UTP23: variants seen among roughly 807,000 people sequenced by gnomAD.
UTP23 encodes the protein UTP23 small subunit processome component.
UTP23 carries 10 observed loss-of-function variants against 19.8 expected under a neutral mutation model. The ratio of observed to expected loss-of-function variants is 0.50; its 90% CI spans 0.31 to 0.86. UTP23 has a LOEUF of 0.86. Among genes scored for constraint, UTP23 ranks in the 40% least tolerant of loss-of-function variants. UTP23 has a pLI of 0.05. For missense variants in UTP23, 282 were observed against 293.1 expected, an observed-to-expected ratio of 0.96 and a Z score of 0.28; for synonymous variants, 108 against 105.4, an observed-to-expected ratio of 1.02 and a Z score of -0.15.
At position 116,774,008 on chromosome 8, in the gene UTP23, G is replaced by T. The variant is rs1815693111; in HGVS notation, c.*2166G>T. The T allele has an allele frequency of 2.0e-6, 2 of 985,054 alleles. No individual in the cohort carries two copies. Among genetic ancestry groups the T allele is most frequent in the South Asian group, 9.4e-5 (2 of 21,276 alleles). 61.0% of individuals were successfully genotyped at this position (985,054 alleles called of 1,614,324 possible). A position where few individuals can be genotyped will look rare whatever the true frequency, so the allele number is the denominator to read the frequency against. ...TGCTTTATTTTTTCATACAACTTGG[G>T]GAAGGGAACCATGGGAGTATGCACA... On this transcript the variant is annotated 3_prime_UTR_variant, in exon 3 of 3. Transcript: ENST00000309822.
At position 116,774,593 on chromosome 8, in the gene UTP23, A is replaced by G; in HGVS notation, c.*2751A>G. The G allele has an allele frequency of 1.6e-6, 1 of 615,836 alleles. No individual in the cohort carries two copies. The highest frequency in any genetic ancestry group is 1.4e-4 in the East Asian group (1 of 7,142). 38.1% of individuals were successfully genotyped at this position (615,836 alleles called of 1,614,324 possible). ...TATACATAGTCTATATATTCTATATAAGAATATATTCCAATAAGAATATAT... is the reference window on the plus strand; with the variant it reads ...TATACATAGTCTATATATTCTATATGAGAATATATTCCAATAAGAATATAT... On this transcript the variant is annotated 3_prime_UTR_variant, in exon 3 of 3. Transcript: ENST00000309822.
chr8:116,769,675 T>C (rs1036264786), intron 1 of UTP23, among the ~76,000 whole-genome samples: 3 of 152,190 alleles, frequency 2.0e-5, no homozygotes, highest in Admixed American at 6.5e-5. Flanking sequence ...GGAACTCTTA[T>C]GACTAAATGT....
rs1434949889 is a variant in UTP23, at chr8:116,774,210, A to G, written c.*2368A>G. On this transcript the variant is annotated 3_prime_UTR_variant, in exon 3 of 3. Transcript: ENST00000309822. ...CACTATCTTTTACGAACACTTAAAAATAAGTGTTTGCAGTTGTGTATGGGC... is the reference window on the plus strand; with the variant it reads ...CACTATCTTTTACGAACACTTAAAAGTAAGTGTTTGCAGTTGTGTATGGGC... The G allele has an allele frequency of 3.0e-6, 3 of 985,334 alleles. No individual in the cohort carries two copies. Among genetic ancestry groups the G allele is most frequent in the Non-Finnish European group, 3.6e-6 (3 of 829,942 alleles). 61.0% of individuals were successfully genotyped at this position (985,334 alleles called of 1,614,324 possible). A position where few individuals can be genotyped will look rare whatever the true frequency, so the allele number is the denominator to read the frequency against.
At chr8:116,770,497 G>A (rs1279805978) in intron 2 of UTP23, 131 bp downstream of exon 2, 3 of 821,146 alleles carry the variant, frequency 3.7e-6, no homozygotes, top group East Asian at 2.8e-5. Context: ...TTAATTTGCA[G>A]TCAGTAAAAG....
In UTP23 at chr8:116,766,532, G is replaced by C; in HGVS notation, c.-72G>C. The C allele has an allele frequency of 3.4e-6, 5 of 1,476,626 alleles. No homozygotes were observed. The highest frequency in any genetic ancestry group is 4.5e-6 in the Non-Finnish European group (5 of 1,104,338). 91.5% of individuals were successfully genotyped at this position (1,476,626 alleles called of 1,614,324 possible). On this transcript the variant is annotated 5_prime_UTR_variant, in exon 1 of 3. Transcript: ENST00000309822. ...CATTTCCGGGTGAAACTGGCATTGA[G>C]GGTACTGGGGCGTGCGTGAGGCGTT... is the stretch of plus-strand genomic sequence containing the variant.
At position 116,772,946 on chromosome 8, in the gene UTP23, A is replaced by G; in HGVS notation, c.*1104A>G. On this transcript the variant is annotated 3_prime_UTR_variant, in exon 3 of 3. Transcript: ENST00000309822. Reference sequence around the variant, plus strand: ...CCTGACTGACAGCTTCTGGAGCCACACTAGAGCAGTGATTCTCAGTCTAAC... The same window carrying G: ...CCTGACTGACAGCTTCTGGAGCCACGCTAGAGCAGTGATTCTCAGTCTAAC... The G allele has an allele frequency of 1.0e-6, 1 of 985,454 alleles. No homozygotes were observed. The highest frequency in any genetic ancestry group is 1.2e-6 in the Non-Finnish European group (1 of 829,928). 61.0% of individuals were successfully genotyped at this position (985,454 alleles called of 1,614,324 possible).
Position 116,772,386 on chromosome 8 carries a change from A to G in UTP23, c.*544A>G. ...AAAAAAGAGGCAGTCCCTCTTTCAC[A>G]TTGACAGAAGAAACTTCCTCTTTCA... is the stretch of plus-strand genomic sequence containing the variant. On this transcript the variant is annotated 3_prime_UTR_variant, in exon 3 of 3. Coordinates refer to ENST00000309822, the MANE Select transcript of UTP23 (RefSeq NM_032334.3). 2 of 973,276 alleles carry G rather than the reference A, an allele frequency of 2.1e-6. No homozygotes were observed. The highest frequency in any genetic ancestry group is 2.4e-6 in the Non-Finnish European group (2 of 818,922). The allele number at this position is 973,276 out of a possible 1,614,324, so 60.3% of individuals were successfully genotyped here.
rs1815635561 is a variant in UTP23 at position 116,770,358 on chromosome 8, G to A, written c.355G>A (p.Ala119Thr). The change falls in exon 2 of 3, where the codon GCA (alanine) becomes ACA (threonine). Residue 119 changes from alanine to threonine, a missense_variant. Ala to Thr is a moderately conservative substitution (Grantham distance 58). Transcript: ENST00000309822. ...EEGNPHHYFVATQDQNLSVKV... is the reference protein window; with the variant it reads ...EEGNPHHYFVTTQDQNLSVKV... ...GGGAAATCCTCATCATTATTTTGTG[G>A]CAACACAGGTGATACTACTTTTAAA... The A allele has an allele frequency of 1.2e-6, 2 of 1,609,312 alleles. No individual in the cohort carries two copies. The highest frequency in any genetic ancestry group is 1.7e-6 in the Non-Finnish European group (2 of 1,176,420).
chr8:116,767,637 C>T (rs75313497), intron 1 of UTP23, among the ~76,000 whole-genome samples: 1,780 of 152,216 alleles, frequency 0.012, 37 homozygotes, highest in African/African-American at 0.04. Flanking sequence ...AAGAATGACA[C>T]TTCTTGTTGT....
In UTP23 at chr8:116,773,220, A is replaced by G; in HGVS notation, c.*1378A>G. The G allele has an allele frequency of 1.0e-6, 1 of 985,402 alleles. No homozygotes were observed. Among genetic ancestry groups the G allele is most frequent in the Non-Finnish European group, 1.2e-6 (1 of 829,914 alleles). The allele number at this position is 985,402 out of a possible 1,614,324, so 61.0% of individuals were successfully genotyped here. A position where few individuals can be genotyped will look rare whatever the true frequency, so the allele number is the denominator to read the frequency against. On this transcript the variant is annotated 3_prime_UTR_variant, in exon 3 of 3. Transcript: ENST00000309822. ...TAGAAACATTTTTAATAAGGAAGGT[A>G]AAAATACTGGAAAAAAGTGAATAGT... is the stretch of plus-strand genomic sequence containing the variant.
At position 116,770,348 on chromosome 8, in the gene UTP23, T is replaced by A. The variant is rs762179496; in HGVS notation, c.345T>A (p.His115Gln). The A allele has an allele frequency of 6.2e-7, 1 of 1,611,496 alleles. No homozygotes were observed. Among genetic ancestry groups the A allele is most frequent in the Non-Finnish European group, 8.5e-7 (1 of 1,177,988 alleles). The change falls in exon 2 of 3, where the codon CAT (histidine) becomes CAA (glutamine). Residue 115 changes from histidine (H) to glutamine (Q), a missense_variant. Transcript: ENST00000309822. ...TGGTTGAAGAGGGAAATCCTCATCA[T>A]TATTTTGTGGCAACACAGGTGATAC... ...LSMVEEGNPH[H>Q]YFVATQDQNL...
Position 116,774,620 on chromosome 8 carries a change from C to A in UTP23, c.*2778C>A. On this transcript the variant is annotated 3_prime_UTR_variant, in exon 3 of 3. Transcript: ENST00000309822. ...GAATATATTCCAATAAGAATATATT[C>A]CATACGGGAATATATTAGTCATTGA... is the stretch of plus-strand genomic sequence containing the variant. 1 of 746,036 alleles carries A rather than the reference C, an allele frequency of 1.3e-6. No homozygotes were observed. Among genetic ancestry groups the A allele is most frequent in the Non-Finnish European group, 1.6e-6 (1 of 613,278 alleles). The allele number at this position is 746,036 out of a possible 1,614,324, so 46.2% of individuals were successfully genotyped here.
At position 116,766,600 on chromosome 8, in the gene UTP23, AG is replaced by A. The variant is rs1206468558; in HGVS notation, c.-2del. The A allele has an allele frequency of 1.2e-6, 2 of 1,610,996 alleles. No individual in the cohort carries two copies. Among genetic ancestry groups the A allele is most frequent in the Admixed American group, 3.4e-5 (2 of 59,490 alleles). On this transcript the variant is annotated 5_prime_UTR_variant, in exon 1 of 3. Coordinates refer to ENST00000309822, the MANE Select transcript of UTP23 (RefSeq NM_032334.3). ...CCGGTGGCCTCGGTCCCGGTAAGCCAGGCATGAAGATCACAAGGCAGAAACA... is the reference window on the plus strand; with the variant it reads ...CCGGTGGCCTCGGTCCCGGTAAGCCAGCATGAAGATCACAAGGCAGAAACA...
chr8:116,766,878 G>T (rs770548424), intron 1 of UTP23, 87 bp downstream of exon 1: 5 of 1,334,238 alleles, frequency 3.7e-6, no homozygotes, highest in Non-Finnish European at 5.0e-6. Flanking sequence ...TTCATTGCGA[G>T]CTCAGGAGGT....
At chr8:116,768,868 G>C (rs377060980) in intron 1 of UTP23, among the ~76,000 whole-genome samples, 23 of 152,106 alleles carry the variant, frequency 1.5e-4, no homozygotes, top group African/African-American at 5.3e-4. Context: ...GTTTCACCAC[G>C]TTGACCAGGC....
Position 116,770,331 on chromosome 8 carries a change from G to A in UTP23, c.328G>A (p.Glu110Lys), listed in dbSNP as rs1365067859. The part of the protein sequence containing the change: ...GSECLLSMVE[E>K]GNPHHYFVAT... ...AGAATGTCTGCTTTCCATGGTTGAA[G>A]AGGGAAATCCTCATCATTATTTTGT... Residue 110 changes from glutamate to lysine, a missense_variant, in exon 2 of 3, where the codon GAG (glutamate) becomes AAG (lysine). Transcript: ENST00000309822. 6.2e-7 allele frequency: 1 copy of A among 1,613,620 alleles called. No individual in the cohort carries two copies. The highest frequency in any genetic ancestry group is 1.3e-5 in the African/African-American group (1 of 75,058).
At chr8:116,768,827 A>G (rs1228883880) in intron 1 of UTP23, among the ~76,000 whole-genome samples, 1 of 151,936 alleles carries the variant, frequency 6.6e-6, no homozygotes, top group Non-Finnish European at 1.5e-5. Context: ...ACCACGTCCT[A>G]CTAATTTTTG....
Position 116,772,589 on chromosome 8 carries a change from A to G in UTP23, c.*747A>G, listed in dbSNP as rs1258029710. On this transcript the variant is annotated 3_prime_UTR_variant, in exon 3 of 3. Transcript: ENST00000309822. ...TGTACATCAGAAACTCAGTATTTTC[A>G]TTATTATGACTAGAGTTTTTTTGTT... is the stretch of plus-strand genomic sequence containing the variant. The G allele has an allele frequency of 1.0e-6, 1 of 984,550 alleles. No individual in the cohort carries two copies. The highest frequency in any genetic ancestry group is 1.7e-5 in the African/African-American group (1 of 57,204). 61.0% of individuals were successfully genotyped at this position (984,550 alleles called of 1,614,324 possible).
rs751201989 is a variant in UTP23, at chr8:116,771,635, A to G, written c.543A>G (p.Glu181=). 50 of 1,611,624 alleles carry G rather than the reference A, an allele frequency of 3.1e-5. No individual in the cohort carries two copies. Among genetic ancestry groups the G allele is most frequent in the Non-Finnish European group, 4.2e-5 (50 of 1,179,468 alleles). The part of the protein sequence containing the change: ...EKESIKHLKE[E]QGLVKNTEQS... ...AAAGTATCAAACATCTCAAAGAGGA[A>G]CAGGGTTTAGTGAAAAACACTGAAC... The change falls in exon 3 of 3, where the codon GAA becomes GAG. Residue 181 remains glutamate (E), a synonymous_variant. Coordinates refer to ENST00000309822, the MANE Select transcript of UTP23 (RefSeq NM_032334.3).
Sources: allele counts gnomAD v4.1 joint callset (sites outside exome capture counted in the v4.1 genomes callset), GRCh38; gene constraint gnomAD v4.1.1; transcripts MANE v1.5; gene names NCBI Gene and HGNC (gene_info 2026-07-23, HGNC 2026-07-21).